Variants in TBC1D32 observed in about 807,000 individuals in gnomAD.
TBC1D32 encodes TBC1 domain family member 32.
TBC1D32 carries 151 observed loss-of-function variants against 170.3 expected under a neutral mutation model. The observed-to-expected ratio is 0.89, with a 90% CI of 0.78 to 1.01. The LOEUF (loss-of-function observed/expected upper bound fraction) is 1.01, where lower values mean the gene tolerates loss of function less well. Ranked by LOEUF, TBC1D32 falls within the 50% of genes least tolerant of loss-of-function variation. The probability of loss-of-function intolerance (pLI) is 0.00; values close to 1 mark genes in which losing one functional copy is unlikely to be tolerated. For synonymous variants in TBC1D32, 498 were observed against 488.0 expected, an observed-to-expected ratio of 1.02 and a Z score of -0.27; for missense variants, 1,464 against 1,457.1, an observed-to-expected ratio of 1.00 and a Z score of -0.08.
chr6:121,182,516 T>C (rs1209247171), intron 22 of TBC1D32, among the ~76,000 whole-genome samples: 6 of 152,026 alleles, frequency 3.9e-5, no homozygotes, highest in Non-Finnish European at 7.4e-5. Flanking sequence ...AATCATCTAA[T>C]AAACAGACTT....
intron 24 of TBC1D32, among the ~76,000 whole-genome samples, chr6:121,144,263 C>G (rs1783148055): frequency 6.6e-6 from 1 of 152,104 alleles, no homozygotes; most frequent in African/African-American, 2.4e-5. Context: ...ATGTGTTAGG[C>G]CTTGTAAGCT....
intron 30 of TBC1D32, among the ~76,000 whole-genome samples, chr6:121,099,376 T>C (rs112214899): frequency 6.6e-6 from 1 of 151,956 alleles, no homozygotes; most frequent in Non-Finnish European, 1.5e-5. Context: ...TTCAAATTTC[T>C]ATTTTCTTTC....
chr6:121,303,305 A>G (rs756559308), intron 9 of TBC1D32, among the ~76,000 whole-genome samples: 1 of 152,188 alleles, frequency 6.6e-6, no homozygotes, highest in Non-Finnish European at 1.5e-5. Flanking sequence ...CTTTCACATT[A>G]AAGAAAAAAT....
rs568253732 is a variant in TBC1D32, at chr6:121,254,062, A to C, written c.2018+1266T>G. On this transcript the variant is annotated intron_variant, in intron 17 of 31. Transcript: ENST00000398212. ...CATGGAATACTACTCAGTCATAAAA[A>C]AAAAAGGAAATAATGTCTTTTGCAC... 4.3e-4 allele frequency among the ~76,000 whole-genome samples: 66 copies of C among 152,284 alleles called. 1 individual carries two copies. Among genetic ancestry groups the C allele is most frequent in the African/African-American group, 1.6e-3 (65 of 41,554 alleles).
chr6:121,178,625 G>A (rs1382544226), intron 22 of TBC1D32, among the ~76,000 whole-genome samples: 1 of 152,166 alleles, frequency 6.6e-6, no homozygotes, highest in East Asian at 1.9e-4. Flanking sequence ...GTTCTTGTGT[G>A]ATCCCCTTTT....
chr6:121,250,423 T>C (rs185195303), intron 17 of TBC1D32, among the ~76,000 whole-genome samples: 43 of 152,262 alleles, frequency 2.8e-4, no homozygotes, highest in African/African-American at 9.1e-4. Flanking sequence ...GAAGCAAGGA[T>C]GGTTCAACAT....
intron 12 of TBC1D32, among the ~76,000 whole-genome samples, chr6:121,286,783 A>T (rs1450306383): frequency 6.6e-6 from 1 of 152,260 alleles, no homozygotes; most frequent in African/African-American, 2.4e-5. Context: ...AGGGAAGCCC[A>T]TCAGACTAAC....
At chr6:121,229,896 G>C (rs1292939538) in intron 20 of TBC1D32, among the ~76,000 whole-genome samples, 1 of 152,000 alleles carries the variant, frequency 6.6e-6, no homozygotes, top group Non-Finnish European at 1.5e-5. Flanking sequence ...TCCCATGATA[G>C]TGAGTTCTCC....
rs946144875 is a variant in TBC1D32 at position 121,238,507 on chromosome 6, C to A, written c.2364+563G>T. On this transcript the variant is annotated intron_variant, in intron 20 of 31. Coordinates refer to ENST00000398212, the MANE Select transcript of TBC1D32 (RefSeq NM_152730.6). Reference sequence around the variant, plus strand: ...AATAAAAATTGTCTAAGCTACCATACAATCAAAGTTAGGAATCGTCACTTT... The same window carrying A: ...AATAAAAATTGTCTAAGCTACCATAAAATCAAAGTTAGGAATCGTCACTTT... 2.6e-5 allele frequency among the ~76,000 whole-genome samples: 4 copies of A among 152,088 alleles called. No homozygotes were observed. In the East Asian group the frequency reaches 7.7e-4, roughly 29 times the overall value.
At chr6:121,278,917 A>T (rs1259423803) in intron 15 of TBC1D32, among the ~76,000 whole-genome samples, 1 of 152,086 alleles carries the variant, frequency 6.6e-6, no homozygotes, top group Non-Finnish European at 1.5e-5. Context: ...ACAAGGGAGC[A>T]GATAATGGGG....
chr6:121,188,543 G>C (rs1383337427), intron 22 of TBC1D32, among the ~76,000 whole-genome samples: 1 of 151,990 alleles, frequency 6.6e-6, no homozygotes, highest in Non-Finnish European at 1.5e-5. Context: ...AATCCCTAAA[G>C]ATAAGAGATG....
chr6:121,191,739 G>C (rs1475611196), intron 22 of TBC1D32, among the ~76,000 whole-genome samples: 1 of 152,152 alleles, frequency 6.6e-6, no homozygotes, highest in Non-Finnish European at 1.5e-5. Context: ...GCAAAGTACT[G>C]ATCCTGGTGT....
intron 13 of TBC1D32, 73 bp from the exon 14 acceptor site, chr6:121,281,759 T>C: frequency 8.1e-7 from 1 of 1,230,760 alleles, no homozygotes; most frequent in Non-Finnish European, 1.1e-6. Flanking sequence ...GCTGTTGTTG[T>C]TCCAAAAAGT....
chr6:121,307,550 G>T (rs1392252576), intron 5 of TBC1D32, among the ~76,000 whole-genome samples: 1 of 151,994 alleles, frequency 6.6e-6, no homozygotes, highest in Non-Finnish European at 1.5e-5. Context: ...TTCCATAAAT[G>T]TGTCAGCTAC....
intron 20 of TBC1D32, among the ~76,000 whole-genome samples, chr6:121,233,276 CT>C (rs930698907): frequency 3.3e-5 from 5 of 152,016 alleles, no homozygotes; most frequent in Admixed American, 2.6e-4. Context: ...ACTTTCTATC[CT>C]GATGACCTGT....
intron 22 of TBC1D32, among the ~76,000 whole-genome samples, chr6:121,178,932 C>A (rs1788146860): frequency 6.6e-6 from 1 of 152,150 alleles, no homozygotes; most frequent in South Asian, 2.1e-4. Flanking sequence ...GAGACCACGG[C>A]CACAGCCAAC....
chr6:121,248,407 A>G (rs1797897187), intron 17 of TBC1D32, among the ~76,000 whole-genome samples: 1 of 152,030 alleles, frequency 6.6e-6, no homozygotes, highest in Non-Finnish European at 1.5e-5. Flanking sequence ...ACCTCAAGGA[A>G]TTAGAGAGAC....
intron 24 of TBC1D32, among the ~76,000 whole-genome samples, chr6:121,141,060 G>T (rs529484419): frequency 6.6e-6 from 1 of 152,220 alleles, no homozygotes; most frequent in South Asian, 2.1e-4. Flanking sequence ...AAATATTTAT[G>T]TACTGCCTAC....
chr6:121,211,961 A>C (rs979845967), intron 21 of TBC1D32, among the ~76,000 whole-genome samples: 5 of 150,190 alleles, frequency 3.3e-5, no homozygotes, highest in African/African-American at 1.2e-4. Flanking sequence ...CTCCCTGTGT[A>C]TCTGCTGAAT....
Sources: gnomAD v4.1 joint callset for allele counts (sites outside exome capture counted in the v4.1 genomes callset) on GRCh38, gnomAD v4.1.1 for gene constraint, MANE v1.5 for transcripts, NCBI Gene and HGNC (gene_info 2026-07-23, HGNC 2026-07-21) for gene names.